Variants in CDCP1 observed in about 807,000 individuals in gnomAD.
The protein encoded by CDCP1 is CUB domain containing protein 1.
Under a neutral mutation model 60.2 loss-of-function variants are expected in CDCP1, and 29 were observed. That is an observed-to-expected ratio of 0.48 (90% confidence interval 0.36 to 0.66). The LOEUF is 0.66. Ranked by LOEUF, CDCP1 falls within the 30% of genes least tolerant of loss-of-function variation. The probability of loss-of-function intolerance (pLI) is 0.00; values close to 1 mark genes in which losing one functional copy is unlikely to be tolerated. For synonymous variants in CDCP1, 387 were observed against 431.1 expected (o/e 0.90, Z 1.27); for missense variants, 876 against 1,074.3 (o/e 0.82, Z 2.58).
chr3:45,130,945 C>A (rs1699081155), intron 1 of CDCP1, among the ~76,000 whole-genome samples: 1 of 152,130 alleles, frequency 6.6e-6, no homozygotes, highest in Non-Finnish European at 1.5e-5. Context: ...CAGCTCACTG[C>A]AGCCTTGACC....
At chr3:45,112,905 C>T (rs1698724760) in intron 2 of CDCP1, among the ~76,000 whole-genome samples, 1 of 152,212 alleles carries the variant, frequency 6.6e-6, no homozygotes, top group Admixed American at 6.5e-5. Context: ...ATCCTGCTTT[C>T]CTCACTTCTG....
chr3:45,131,455 C>T (rs1326223228), intron 1 of CDCP1, among the ~76,000 whole-genome samples: 1 of 152,174 alleles, frequency 6.6e-6, no homozygotes, highest in Non-Finnish European at 1.5e-5. Flanking sequence ...ATTATAACTC[C>T]CATCTCTCCT....
chr3:45,132,362 T>C (rs1699115097), intron 1 of CDCP1, among the ~76,000 whole-genome samples: 1 of 152,220 alleles, frequency 6.6e-6, no homozygotes, highest in Non-Finnish European at 1.5e-5. Context: ...TCCGGCTATT[T>C]CTACCTTACC....
At chr3:45,130,548 C>T (rs1699073480) in intron 1 of CDCP1, among the ~76,000 whole-genome samples, 1 of 152,194 alleles carries the variant, frequency 6.6e-6, no homozygotes, top group Admixed American at 6.5e-5. Flanking sequence ...GATCTTTGTG[C>T]CTGTAAGGTC....
chr3:45,085,893 G>A lies in CDCP1; in HGVS notation c.2256C>T (p.Gly752=). ...TGTCCACCTCTGGCTGCAGGAAGGA[G>A]CCGCTGGAATCCTGTAGCAGATGCC... ...VYGHLLQDSS[G]SFLQPEVDTY... is the part of the protein sequence containing the mutation. Residue 752 remains glycine (G), a synonymous_variant, in exon 9 of 9, where the codon GGC becomes GGT. Transcript: ENST00000296129. This position sits in a 1 kb window ranked among gnomAD's most constrained non-coding sequence, Gnocchi z 4.2. 1 of 1,614,196 alleles carries A rather than the reference G, an allele frequency of 6.2e-7. No homozygotes were observed. The highest frequency in any genetic ancestry group is 1.7e-5 in the Admixed American group (1 of 60,012).
chr3:45,142,895 G>A (rs1394716772), intron 1 of CDCP1, among the ~76,000 whole-genome samples: 2 of 152,182 alleles, frequency 1.3e-5, no homozygotes, highest in African/African-American at 4.8e-5. Context: ...AACTGTAGCT[G>A]GACAAAATAG....
In CDCP1 at chr3:45,091,357, G is replaced by A. The variant is rs370889670; in HGVS notation, c.1809C>T (p.Arg603=). The change falls in exon 7 of 9, where the codon CGC becomes CGT. Residue 603 remains arginine (R), a synonymous_variant. Transcript: ENST00000296129. The surrounding 1 kb of genome is among the most constrained non-coding windows in gnomAD (Gnocchi z 4.8). ...ERSGVVCQTG[R]AFMIIQEQRT... is the part of the protein sequence containing the mutation. ...GCTGCTCCTGGATGATCATGAATGC[G>A]CGCCCTGTCTGGCAGACCACGCCGC... 1.2e-4 allele frequency: 201 copies of A among 1,613,986 alleles called. No homozygotes were observed. Among genetic ancestry groups the A allele is most frequent in the Middle Eastern group, 4.9e-4 (3 of 6,084 alleles).
chr3:45,112,584 C>A (rs936495672), intron 2 of CDCP1, 139 bp from the exon 3 acceptor site: 10 of 1,205,908 alleles, frequency 8.3e-6, no homozygotes, highest in South Asian at 4.4e-5. Context: ...GGCACCCAGG[C>A]CCCAACTGCT....
At chr3:45,135,964 C>G (rs755447473) in intron 1 of CDCP1, among the ~76,000 whole-genome samples, 5 of 152,098 alleles carry the variant, frequency 3.3e-5, no homozygotes, top group Admixed American at 1.3e-4. Context: ...AGGAACTAGG[C>G]CAAAACCCCT....
intron 1 of CDCP1, among the ~76,000 whole-genome samples, chr3:45,120,034 G>A (rs191954996): frequency 1.0e-3 from 152 of 152,310 alleles, no homozygotes; most frequent in Non-Finnish European, 1.8e-3. Context: ...TTTTATTGCT[G>A]AGTACTATTC....
Position 45,085,348 on chromosome 3 carries a change from T to C in CDCP1, c.*290A>G, listed in dbSNP as rs1698169413. On this transcript the variant is annotated 3_prime_UTR_variant, in exon 9 of 9. Transcript: ENST00000296129. The surrounding 1 kb of genome is among the most constrained non-coding windows in gnomAD (Gnocchi z 4.2). ...GAATCCAGGGCTTGCTGCAACCCTATGCTAGGTGACTCAGGCCTCTCTCCT... is the reference window on the plus strand; with the variant it reads ...GAATCCAGGGCTTGCTGCAACCCTACGCTAGGTGACTCAGGCCTCTCTCCT... The C allele has an allele frequency of 2.7e-6, 1 of 373,276 alleles. No individual in the cohort carries two copies. Among genetic ancestry groups the C allele is most frequent in the Non-Finnish European group, 4.9e-6 (1 of 203,166 alleles). The allele number at this position is 373,276 out of a possible 1,614,324, so 23.1% of individuals were successfully genotyped here.
At chr3:45,123,373 T>C (rs1272715769) in intron 1 of CDCP1, among the ~76,000 whole-genome samples, 2 of 152,156 alleles carry the variant, frequency 1.3e-5, no homozygotes, top group African/African-American at 4.8e-5. Context: ...CCACCTGGTG[T>C]CCAGCTCATA....
Position 45,095,336 on chromosome 3 carries a change from C to T in CDCP1, c.1246+11G>A, listed in dbSNP as rs1377559534. 1.2e-6 allele frequency: 2 copies of T among 1,611,770 alleles called. No homozygotes were observed. The highest frequency in any genetic ancestry group is 1.7e-6 in the Non-Finnish European group (2 of 1,178,004). On this transcript the variant is annotated intron_variant, in intron 5 of 8. Transcript: ENST00000296129. ...ATGGCCAGGGACAAATGCACTGATT[C>T]AGGGGCGTACTTATGGTTTTTTCCA...
At chr3:45,141,111 GAATC>G (rs1190220119) in intron 1 of CDCP1, among the ~76,000 whole-genome samples, 1 of 152,072 alleles carries the variant, frequency 6.6e-6, no homozygotes. Context: ...TGAGGCATGA[GAATC>G]ACTTGAACCC....
In CDCP1 at chr3:45,112,354, A is replaced by G. The variant is rs981004849; in HGVS notation, c.384T>C (p.Asp128=). The part of the protein sequence containing the change: ...LPTLNRTFIW[D]VKAHKSIGLE... The stretch of plus-strand genomic sequence containing the variant: ...AACCGATGCTCTTATGAGCTTTGAC[A>G]TCCCAGATGAAAGTTCTGTTGAGGG... The change falls in exon 3 of 9, where the codon GAT becomes GAC. Residue 128 remains aspartate, a synonymous_variant. Coordinates refer to ENST00000296129, the MANE Select transcript of CDCP1 (RefSeq NM_022842.5). 6.2e-7 allele frequency: 1 copy of G among 1,614,124 alleles called. No individual in the cohort carries two copies. The highest frequency in any genetic ancestry group is 1.3e-5 in the African/African-American group (1 of 74,936).
At chr3:45,108,051 G>A (rs557526778) in intron 4 of CDCP1, among the ~76,000 whole-genome samples, 61 of 152,060 alleles carry the variant, frequency 4.0e-4, no homozygotes, top group Non-Finnish European at 7.2e-4. Flanking sequence ...CTGGGAGGTG[G>A]AGGTTACAGT....
chr3:45,104,025 G>C (rs1262251239), intron 4 of CDCP1, among the ~76,000 whole-genome samples: 2 of 152,238 alleles, frequency 1.3e-5, no homozygotes, highest in East Asian at 3.8e-4. Flanking sequence ...CACTCCATAA[G>C]AGTTCTGTTG....
At chr3:45,126,726 T>C (rs944177463) in intron 1 of CDCP1, among the ~76,000 whole-genome samples, 4 of 152,234 alleles carry the variant, frequency 2.6e-5, no homozygotes, top group Non-Finnish European at 4.4e-5. Flanking sequence ...ACACCAGGCC[T>C]GTCTAAATAG....
chr3:45,114,214 G>C (rs1423581371), intron 2 of CDCP1, among the ~76,000 whole-genome samples: 2 of 152,160 alleles, frequency 1.3e-5, no homozygotes, highest in African/African-American at 4.8e-5. Context: ...TTGATGCTAA[G>C]AGCTTTGTTT....
Sources: gnomAD v4.1 joint callset for allele counts (sites outside exome capture counted in the v4.1 genomes callset) on GRCh38, gnomAD v4.1.1 for gene constraint, Gnocchi (gnomAD v3.1) non-coding constraint, MANE v1.5 for transcripts, NCBI Gene and HGNC (gene_info 2026-07-23, HGNC 2026-07-21) for gene names.